Variants in PANX3 observed in about 807,000 individuals in gnomAD.
PANX3 encodes pannexin-3.
Under a neutral mutation model 31.5 loss-of-function variants are expected in PANX3, and 18 were observed. The observed-to-expected ratio is 0.57, with a 90% CI of 0.39 to 0.85. PANX3 has a LOEUF of 0.85. PANX3 is among the 40% of genes least tolerant of loss of function. The pLI is 0.00. For missense variants in PANX3, 426 were observed against 485.4 expected (o/e 0.88, Z 1.15); for synonymous variants, 194 against 201.6 (o/e 0.96, Z 0.32).
chr11:124,616,438 C>A lies in PANX3; in HGVS notation c.325-836C>A, dbSNP rs973627449. 1.3e-5 allele frequency among the ~76,000 whole-genome samples: 2 copies of A among 152,274 alleles called. No individual in the cohort carries two copies. Among genetic ancestry groups the A allele is most frequent in the South Asian group, 4.1e-4 (2 of 4,826 alleles). On this transcript the variant is annotated intron_variant, in intron 2 of 3. Transcript: ENST00000284288. The surrounding 1 kb of genome is among the most constrained non-coding windows in gnomAD (Gnocchi z 4.8). ...AGCCCACCCTATTCCAGTATGACCT[C>A]ATTTTGAATTAACTAGTTGCATCCA... is the stretch of plus-strand genomic sequence containing the variant.
chr11:124,617,327 G>T lies in PANX3; in HGVS notation c.378G>T (p.Leu126=), dbSNP rs767985394. ...CCTTGCTCATGTACCTGCCGGTGCT[G>T]CTGTGGCAGTATGCAGCTGTGCCAG... ...ALALLMYLPV[L]LWQYAAVPAL... is the part of the protein sequence containing the mutation. The change falls in exon 3 of 4, where the codon CTG becomes CTT. Residue 126 remains leucine, a synonymous_variant. Coordinates refer to ENST00000284288, the MANE Select transcript of PANX3 (RefSeq NM_052959.3). 6.2e-7 allele frequency: 1 copy of T among 1,611,728 alleles called. No individual in the cohort carries two copies. Among genetic ancestry groups the T allele is most frequent in the South Asian group, 1.1e-5 (1 of 91,078 alleles).
chr11:124,614,947 T>C (rs1781917928), intron 2 of PANX3, among the ~76,000 whole-genome samples: 1 of 152,102 alleles, frequency 6.6e-6, no homozygotes, highest in Non-Finnish European at 1.5e-5. Context: ...AGTGCTGGGA[T>C]TACAGGCGTG....
Position 124,611,490 on chromosome 11 carries a change from C to A in PANX3, c.-67C>A, listed in dbSNP as rs543486867. ...GCCCAAAGTCAGCTGCCTGAAGCTGCCGTCTCCTCATTCCACCATCCCAGG... is the reference window on the plus strand; with the variant it reads ...GCCCAAAGTCAGCTGCCTGAAGCTGACGTCTCCTCATTCCACCATCCCAGG... On this transcript the variant is annotated 5_prime_UTR_variant, in exon 1 of 4. Coordinates refer to ENST00000284288, the MANE Select transcript of PANX3 (RefSeq NM_052959.3). 3 of 1,472,468 alleles carry A rather than the reference C, an allele frequency of 2.0e-6. No individual in the cohort carries two copies. The East Asian group carries it at 7.1e-5, about 35-fold the overall frequency. The allele number at this position is 1,472,468 out of a possible 1,614,324, so 91.2% of individuals were successfully genotyped here. A position where few individuals can be genotyped will look rare whatever the true frequency, so the allele number is the denominator to read the frequency against.
chr11:124,614,984 CCTTT>C (rs1182761325), intron 2 of PANX3, among the ~76,000 whole-genome samples: 1 of 151,068 alleles, frequency 6.6e-6, no homozygotes, highest in Admixed American at 6.6e-5. Flanking sequence ...CAAGAAATGC[CCTTT>C]CTTAGCAGCA....
At position 124,619,556 on chromosome 11, in the gene PANX3, C is replaced by G. The variant is rs759176210; in HGVS notation, c.800C>G (p.Ser267Cys). 2 of 1,614,216 alleles carry G rather than the reference C, an allele frequency of 1.2e-6. No individual in the cohort carries two copies. Among genetic ancestry groups the G allele is most frequent in the Non-Finnish European group, 1.7e-6 (2 of 1,180,042 alleles). ...NLITCRLTSL[S>C]IFQIVSLSSV... ...ATCACATGCAGGCTGACATCACTGT[C>G]CATTTTCCAGATTGTTAGCCTCTCC... Residue 267 changes from serine (S) to cysteine (C), a missense_variant, in exon 4 of 4, where the codon TCC becomes TGC. Coordinates refer to ENST00000284288, the MANE Select transcript of PANX3 (RefSeq NM_052959.3).
At chr11:124,612,083 G>T (rs573650075) in intron 1 of PANX3, among the ~76,000 whole-genome samples, 5 of 152,140 alleles carry the variant, frequency 3.3e-5, no homozygotes, top group South Asian at 2.1e-4. Flanking sequence ...TGTTTTTAGG[G>T]CCTTAGACCT....
chr11:124,619,932 A>G lies in PANX3; in HGVS notation c.1176A>G (p.Pro392=). 6.3e-7 allele frequency: 1 copy of G among 1,594,112 alleles called. No homozygotes were observed. Among genetic ancestry groups the G allele is most frequent in the South Asian group, 1.1e-5 (1 of 87,900 alleles). The change falls in exon 4 of 4, where the codon CCA becomes CCG. Residue 392 remains proline, a synonymous_variant. Coordinates refer to ENST00000284288, the MANE Select transcript of PANX3 (RefSeq NM_052959.3). The part of the protein sequence containing the change: ...HLTNSACDEH[P] Reference sequence around the variant, plus strand: ...CCAACTCGGCATGTGATGAACACCCATAGTTAAGAAACCATGGAGCAAGAA... The same window carrying G: ...CCAACTCGGCATGTGATGAACACCCGTAGTTAAGAAACCATGGAGCAAGAA...
At chr11:124,612,081 G>C (rs1863101018) in intron 1 of PANX3, among the ~76,000 whole-genome samples, 1 of 151,972 alleles carries the variant, frequency 6.6e-6, no homozygotes, top group Non-Finnish European at 1.5e-5. Context: ...AATGTTTTTA[G>C]GGCCTTAGAC....
At chr11:124,613,180 C>T (rs1282195604) in intron 2 of PANX3, 58 bp downstream of exon 2, 2 of 1,567,268 alleles carry the variant, frequency 1.3e-6, no homozygotes, top group Non-Finnish European at 1.7e-6. Context: ...TGCAGAACCC[C>T]TTCATTCTAC....
At chr11:124,614,167 T>TAAAAAAAA (rs71042444) in intron 2 of PANX3, among the ~76,000 whole-genome samples, 2 of 73,458 alleles carry the variant, frequency 2.7e-5, no homozygotes, top group Admixed American at 1.8e-4. Context: ...ATCTAAATGG[T>TAAAAAAAA]AAAAAAAAAA....
intron 3 of PANX3, 93 bp downstream of exon 3, chr11:124,617,581 T>C: frequency 7.6e-7 from 1 of 1,311,888 alleles, no homozygotes; most frequent in Non-Finnish European, 1.1e-6. Flanking sequence ...TTCCATGCCA[T>C]CCTTCTCAAG....
chr11:124,614,105 A>G (rs1378123501), intron 2 of PANX3, among the ~76,000 whole-genome samples: 1 of 149,632 alleles, frequency 6.7e-6, no homozygotes, highest in Non-Finnish European at 1.5e-5. Flanking sequence ...ACAAAACCAG[A>G]GACTTAATGG....
intron 2 of PANX3, among the ~76,000 whole-genome samples, chr11:124,614,616 T>A (rs2134310692): frequency 6.6e-6 from 1 of 150,866 alleles, no homozygotes; most frequent in African/African-American, 2.4e-5. Flanking sequence ...TTCAGCCTAC[T>A]ACAACAGAAT....
At chr11:124,617,132 G>A (rs1863161914) in intron 2 of PANX3, 142 bp from the exon 3 acceptor site, 2 of 699,366 alleles carry the variant, frequency 2.9e-6, no homozygotes, top group Non-Finnish European at 2.4e-6. Context: ...GTGCCTCAGG[G>A]GCTGAGCCTG....
At position 124,613,120 on chromosome 11, in the gene PANX3, A is replaced by G. The variant is rs1259140900; in HGVS notation, c.322A>G (p.Lys108Glu). ...CAAAATGAAATCTCTCTGGCCCCACAAGGTAAAGCAAACTCTCTGTAAGGC... is the reference window on the plus strand; with the variant it reads ...CAAAATGAAATCTCTCTGGCCCCACGAGGTAAAGCAAACTCTCTGTAAGGC... ...QDKMKSLWPH[K>E]ALPYSLLALA... is the part of the protein sequence containing the mutation. Residue 108 changes from lysine to glutamate, a missense_variant and splice_region_variant, in exon 2 of 4, where the codon AAG becomes GAG. By Grantham distance (56) the Lys-to-Glu change is moderately conservative. Transcript: ENST00000284288. 6.2e-7 allele frequency: 1 copy of G among 1,613,036 alleles called. No homozygotes were observed. The highest frequency in any genetic ancestry group is 8.5e-7 in the Non-Finnish European group (1 of 1,179,828).
intron 2 of PANX3, among the ~76,000 whole-genome samples, chr11:124,614,949 A>G (rs1863136596): frequency 6.6e-6 from 1 of 152,094 alleles, no homozygotes; most frequent in African/African-American, 2.4e-5. Flanking sequence ...TGCTGGGATT[A>G]CAGGCGTGAG....
chr11:124,615,476 G>A (rs1234650288), intron 2 of PANX3, among the ~76,000 whole-genome samples: 1 of 152,160 alleles, frequency 6.6e-6, no homozygotes, highest in African/African-American at 2.4e-5. Context: ...CCCTGGTTCA[G>A]GAGAAGCTAT....
chr11:124,618,153 G>A (rs747066069), intron 3 of PANX3, among the ~76,000 whole-genome samples: 2 of 152,200 alleles, frequency 1.3e-5, no homozygotes, highest in Non-Finnish European at 2.9e-5. Context: ...GGGAAGTGGG[G>A]CAAGAGGAAG....
intron 1 of PANX3, 45 bp downstream of exon 1, chr11:124,611,782 A>C: frequency 6.4e-7 from 1 of 1,567,740 alleles, no homozygotes; most frequent in Non-Finnish European, 8.7e-7. Flanking sequence ...ACTCCCCCTC[A>C]TGTCACTCTC....
Sources: allele counts gnomAD v4.1 joint callset (sites outside exome capture counted in the v4.1 genomes callset), GRCh38; gene constraint gnomAD v4.1.1; non-coding constraint Gnocchi (gnomAD v3.1); transcripts MANE v1.5; gene names NCBI Gene and HGNC (gene_info 2026-07-23, HGNC 2026-07-21).